The following BBS7 variants were observed in gnomAD, a reference collection of about 807,000 sequenced individuals.
BBS7 encodes BBSome complex member BBS7.
In BBS7, 50 loss-of-function variants were observed where a neutral mutation model predicts 90.3. That is an observed-to-expected ratio of 0.55 (90% CI 0.44 to 0.70). BBS7 has a LOEUF of 0.70. Among genes scored for constraint, BBS7 ranks in the 30% least tolerant of loss-of-function variants. BBS7 has a pLI of 0.00. For synonymous variants in BBS7, 235 were observed against 287.4 expected, an observed-to-expected ratio of 0.82 and a Z score of 1.85; for missense variants, 729 against 838.9, an observed-to-expected ratio of 0.87 and a Z score of 1.62.
chr4:121,863,554 T>C (rs1727100367), intron 2 of BBS7, among the ~76,000 whole-genome samples: 2 of 152,166 alleles, frequency 1.3e-5, no homozygotes, highest in South Asian at 4.1e-4. Flanking sequence ...TTTTCAACTT[T>C]TATTGTAGGT....
At chr4:121,842,620 A>C (rs1725802924) in intron 12 of BBS7, among the ~76,000 whole-genome samples, 1 of 152,182 alleles carries the variant, frequency 6.6e-6, no homozygotes. Flanking sequence ...TGGGCAACAG[A>C]GCGAGACCAT....
chr4:121,828,076 C>G (rs1338272080), intron 18 of BBS7, 70 bp downstream of exon 18: 12 of 1,597,744 alleles, frequency 7.5e-6, no homozygotes, highest in Admixed American at 3.5e-5. Flanking sequence ...CCCAGCTTCT[C>G]TTACATGATC....
At chr4:121,848,344 TC>T (rs1278239879) in intron 9 of BBS7, among the ~76,000 whole-genome samples, 1 of 152,154 alleles carries the variant, frequency 6.6e-6, no homozygotes, top group Admixed American at 6.5e-5. Context: ...TCTCATGCCA[TC>T]CTGCTCCATT....
At chr4:121,829,117 G>T (rs1578523449) in intron 15 of BBS7, among the ~76,000 whole-genome samples, 1 of 152,224 alleles carries the variant, frequency 6.6e-6, no homozygotes, top group East Asian at 1.9e-4. Flanking sequence ...ACAAATTACA[G>T]TGTGACTATA....
At chr4:121,865,441 G>A (rs2149091667) in intron 2 of BBS7, among the ~76,000 whole-genome samples, 1 of 152,254 alleles carries the variant, frequency 6.6e-6, no homozygotes, top group South Asian at 2.1e-4. Context: ...GTTTCACCAT[G>A]TTGGCCAGGC....
chr4:121,835,912 C>T (rs1725429202), intron 13 of BBS7, among the ~76,000 whole-genome samples: 1 of 152,064 alleles, frequency 6.6e-6, no homozygotes, highest in Non-Finnish European at 1.5e-5. Context: ...TCCTCCCACC[C>T]CAGATGATCA....
chr4:121,841,246 A>G (rs1443984839), intron 12 of BBS7, among the ~76,000 whole-genome samples: 1 of 151,772 alleles, frequency 6.6e-6, no homozygotes, highest in East Asian at 1.9e-4. Flanking sequence ...TGGGAAGGAG[A>G]GGGTGAAGAG....
chr4:121,858,818 A>T, intron 5 of BBS7, 174 bp downstream of exon 5: 1 of 657,836 alleles, frequency 1.5e-6, no homozygotes, highest in Non-Finnish European at 2.5e-6. Flanking sequence ...AACTTACAAA[A>T]CAACACATTT....
At chr4:121,859,463 T>A (rs1726859236) in intron 4 of BBS7, among the ~76,000 whole-genome samples, 1 of 152,148 alleles carries the variant, frequency 6.6e-6, no homozygotes, top group Admixed American at 6.5e-5. Flanking sequence ...ACTGTCTATA[T>A]CCAAAGACAA....
chr4:121,863,391 A>G, intron 2 of BBS7, 112 bp from the exon 3 acceptor site: 1 of 930,638 alleles, frequency 1.1e-6, no homozygotes, highest in Non-Finnish European at 1.6e-6. Flanking sequence ...AATAGAGATC[A>G]GAAAATCTAG....
At chr4:121,847,106 A>C (rs1487981314) in intron 10 of BBS7, among the ~76,000 whole-genome samples, 1 of 152,162 alleles carries the variant, frequency 6.6e-6, no homozygotes, top group Non-Finnish European at 1.5e-5. Context: ...TGTGAAAAAT[A>C]AAAAATAAAA....
At chr4:121,842,282 T>G (rs1725782804) in intron 12 of BBS7, among the ~76,000 whole-genome samples, 1 of 145,658 alleles carries the variant, frequency 6.9e-6, no homozygotes, top group Non-Finnish European at 1.5e-5. Flanking sequence ...AAAAAGAAAA[T>G]TATTCTTTTA....
chr4:121,855,194 A>G (rs919793178), intron 6 of BBS7, among the ~76,000 whole-genome samples: 1 of 151,914 alleles, frequency 6.6e-6, no homozygotes, highest in Non-Finnish European at 1.5e-5. Context: ...GTGCGCCTGT[A>G]GTACTAGGGA....
chr4:121,857,794 AC>A (rs1377916711), intron 5 of BBS7, among the ~76,000 whole-genome samples: 1 of 143,170 alleles, frequency 7.0e-6, no homozygotes, highest in Non-Finnish European at 1.5e-5. Context: ...TCTAAAATGA[AC>A]CTTTTTTCTT....
intron 2 of BBS7, among the ~76,000 whole-genome samples, chr4:121,867,603 T>C (rs1479674723): frequency 2.0e-5 from 3 of 152,228 alleles, no homozygotes; most frequent in Non-Finnish European, 2.9e-5. Flanking sequence ...ATAATCAATA[T>C]TGTTAGTTAA....
intron 18 of BBS7, among the ~76,000 whole-genome samples, chr4:121,826,994 A>G (rs1268501010): frequency 6.6e-6 from 1 of 152,202 alleles, no homozygotes; most frequent in East Asian, 1.9e-4. Context: ...AAAAACAAAC[A>G]AACAAACAAA....
chr4:121,848,965 T>C (rs1244185900), intron 8 of BBS7, 37 bp from the exon 9 acceptor site: 2 of 1,484,552 alleles, frequency 1.3e-6, no homozygotes, highest in Non-Finnish European at 1.9e-6. Context: ...CATTAGTAAC[T>C]AAAAAATCCA....
At chr4:121,856,284 T>C (rs914819423) in intron 5 of BBS7, among the ~76,000 whole-genome samples, 10 of 152,220 alleles carry the variant, frequency 6.6e-5, no homozygotes, top group African/African-American at 2.4e-4. Flanking sequence ...TAGGTCCTTA[T>C]ATATTTATCA....
At chr4:121,853,177 G>T in intron 7 of BBS7, 91 bp from the exon 8 acceptor site, 2 of 1,385,010 alleles carry the variant, frequency 1.4e-6, no homozygotes, top group South Asian at 2.4e-5. Flanking sequence ...CACACATACC[G>T]ACTCAGAATG....
Sources: allele counts gnomAD v4.1 joint callset (sites outside exome capture counted in the v4.1 genomes callset), GRCh38; gene constraint gnomAD v4.1.1; transcripts MANE v1.5; gene names NCBI Gene and HGNC (gene_info 2026-07-23, HGNC 2026-07-21).